Variants in PSMB3 observed in about 807,000 individuals in gnomAD.
PSMB3 encodes proteasome 20S subunit beta 3.
Under a neutral mutation model 23.3 loss-of-function variants are expected in PSMB3, and 5 were observed. The observed-to-expected ratio is 0.21, with a 90% CI of 0.11 to 0.45. The LOEUF (loss-of-function observed/expected upper bound fraction) is 0.45. PSMB3 is among the 20% of genes least tolerant of loss of function. The probability of loss-of-function intolerance (pLI) is 0.99; values close to 1 mark genes in which losing one functional copy is unlikely to be tolerated. For missense variants in PSMB3, 192 were observed against 277.9 expected (o/e 0.69, Z 2.20); for synonymous variants, 85 against 99.8 (o/e 0.85, Z 0.88).
Position 38,764,105 on chromosome 17 carries a change from T to A in PSMB3, c.570-14T>A. The A allele has an allele frequency of 6.2e-7, 1 of 1,614,176 alleles. No homozygotes were observed. Reference sequence around the variant, plus strand: ...TGGGTAGAGATGTTTTCTTGTGATTTTCTCCCTCTGCAGCGAGAAGGACAA... The same window carrying A: ...TGGGTAGAGATGTTTTCTTGTGATTATCTCCCTCTGCAGCGAGAAGGACAA... On this transcript the variant is annotated splice_polypyrimidine_tract_variant and intron_variant, in intron 5 of 5. Transcript: ENST00000619426.
At chr17:38,759,691 C>G (rs1351946298) in intron 3 of PSMB3, among the ~76,000 whole-genome samples, 1 of 152,050 alleles carries the variant, frequency 6.6e-6, no homozygotes. Flanking sequence ...ACTATAGTCA[C>G]CCGCCACCAT....
Position 38,755,950 on chromosome 17 carries a change from A to G in PSMB3, c.256A>G (p.Thr86Ala). 1 of 1,613,956 alleles carries G rather than the reference A, an allele frequency of 6.2e-7. No individual in the cohort carries two copies. Among genetic ancestry groups the G allele is most frequent in the Non-Finnish European group, 8.5e-7 (1 of 1,179,996 alleles). The change falls in exon 3 of 6, where the codon ACC (threonine) becomes GCC (alanine). Residue 86 changes from threonine to alanine, a missense_variant. Thr to Ala is a moderately conservative substitution (Grantham distance 58). Coordinates refer to ENST00000619426, the MANE Select transcript of PSMB3 (RefSeq NM_002795.4). ...GGAAGGTCGGCAGATCAAACCTTATACCCTCATGAGCATGGTGGCCAACCT... is the reference window on the plus strand; with the variant it reads ...GGAAGGTCGGCAGATCAAACCTTATGCCCTCATGAGCATGGTGGCCAACCT... ...LKEGRQIKPY[T>A]LMSMVANLLY...
intron 3 of PSMB3, among the ~76,000 whole-genome samples, chr17:38,757,892 G>GATC (rs770376964): frequency 1.3e-5 from 2 of 151,852 alleles, no homozygotes; most frequent in African/African-American, 2.4e-5. Context: ...ATGACCTCAT[G>GATC]ATCCGCCCAC....
At chr17:38,755,656 AAAAATATAT>A (rs1365123584) in intron 2 of PSMB3, among the ~76,000 whole-genome samples, 16 of 77,192 alleles carry the variant, frequency 2.1e-4, no homozygotes, top group African/African-American at 8.3e-4. Flanking sequence ...TAAAAAAAAA[AAAAATATAT>A]ATATATATAT....
chr17:38,762,821 T>C (rs1036444479), intron 5 of PSMB3, among the ~76,000 whole-genome samples: 3 of 152,160 alleles, frequency 2.0e-5, no homozygotes, highest in East Asian at 1.9e-4. Flanking sequence ...TGCAGATGGA[T>C]TGAAATTCTA....
intron 2 of PSMB3, 56 bp from the exon 3 acceptor site, chr17:38,755,827 T>A (rs1369058473): frequency 6.9e-7 from 1 of 1,442,500 alleles, no homozygotes; most frequent in Non-Finnish European, 9.7e-7. Flanking sequence ...CTCAACAGGG[T>A]AGACACTCAG....
rs1908182308 is a variant in PSMB3 at position 38,755,985 on chromosome 17, G to A, written c.291G>A (p.Glu97=). ...GCATGGTGGCCAACCTCTTGTATGA[G>A]AAACGGTGAGTGCAAGTGTAGCTAG... The part of the protein sequence containing the change: ...LMSMVANLLY[E]KRFGPYYTEP... The change falls in exon 3 of 6, where the codon GAG becomes GAA. Residue 97 remains glutamate, a synonymous_variant. Coordinates refer to ENST00000619426, the MANE Select transcript of PSMB3 (RefSeq NM_002795.4). 6.2e-7 allele frequency: 1 copy of A among 1,610,284 alleles called. No individual in the cohort carries two copies. Among genetic ancestry groups the A allele is most frequent in the Non-Finnish European group, 8.5e-7 (1 of 1,176,472 alleles).
At chr17:38,755,561 C>T (rs62076860) in intron 2 of PSMB3, among the ~76,000 whole-genome samples, 5 of 150,698 alleles carry the variant, frequency 3.3e-5, no homozygotes, top group South Asian at 2.1e-4. Flanking sequence ...AGGAGAATAG[C>T]GTGAACCCGG....
intron 4 of PSMB3, 119 bp downstream of exon 4, chr17:38,760,727 C>T (rs1908399738): frequency 4.2e-6 from 5 of 1,179,624 alleles, no homozygotes; most frequent in African/African-American, 3.1e-5. Flanking sequence ...GAGAAAGCCA[C>T]AGCTGCTGCT....
chr17:38,756,393 CTG>C (rs2143223882), intron 3 of PSMB3, among the ~76,000 whole-genome samples: 1 of 152,258 alleles, frequency 6.6e-6, no homozygotes, highest in African/African-American at 2.4e-5. Context: ...AGGGGCCTAA[CTG>C]TAGAATTTAG....
chr17:38,754,056 C>T (rs1233908682), intron 2 of PSMB3, among the ~76,000 whole-genome samples: 2 of 147,454 alleles, frequency 1.4e-5, no homozygotes, highest in Non-Finnish European at 3.0e-5. Flanking sequence ...GGAGGGAATA[C>T]GTGGTCACAG....
At chr17:38,757,284 CAAGG>C (rs1426312393) in intron 3 of PSMB3, among the ~76,000 whole-genome samples, 1 of 150,296 alleles carries the variant, frequency 6.7e-6, no homozygotes. Context: ...TTTGGGAGGC[CAAGG>C]AAGGTGGATC....
chr17:38,755,642 C>T (rs1238397852), intron 2 of PSMB3, among the ~76,000 whole-genome samples: 2 of 44,816 alleles, frequency 4.5e-5, no homozygotes, highest in South Asian at 1.7e-3. Context: ...AGTGAGACTC[C>T]GTCTAAAAAA....
intron 2 of PSMB3, among the ~76,000 whole-genome samples, chr17:38,754,205 C>G (rs535408809): frequency 6.6e-6 from 1 of 152,240 alleles, no homozygotes; most frequent in East Asian, 1.9e-4. Flanking sequence ...CGCGGTGGCT[C>G]ACACCTGTAA....
chr17:38,754,090 G>T (rs1304217058), intron 2 of PSMB3, among the ~76,000 whole-genome samples: 1 of 52,138 alleles, frequency 1.9e-5, no homozygotes, highest in African/African-American at 5.0e-5. Flanking sequence ...CAGGGTACTG[G>T]TGCCTGAGGA....
chr17:38,757,552 C>T (rs1908255591), intron 3 of PSMB3, among the ~76,000 whole-genome samples: 1 of 151,760 alleles, frequency 6.6e-6, no homozygotes, highest in Admixed American at 6.6e-5. Context: ...CGTGGTGGCT[C>T]ATGCCTGTAA....
chr17:38,755,018 G>C (rs879624370), intron 2 of PSMB3, among the ~76,000 whole-genome samples: 4 of 81,034 alleles, frequency 4.9e-5, no homozygotes, highest in Non-Finnish European at 1.0e-4. Flanking sequence ...TTTTTTTTTT[G>C]TCACCCAGGC....
At chr17:38,762,900 C>T (rs2143255138) in intron 5 of PSMB3, among the ~76,000 whole-genome samples, 1 of 152,304 alleles carries the variant, frequency 6.6e-6, no homozygotes, top group South Asian at 2.1e-4. Flanking sequence ...AATTTCCAAG[C>T]CTCAGCCAAC....
In PSMB3 at chr17:38,755,676, ATATATATGTGTG is replaced by A. The variant is rs1189893372; in HGVS notation, c.189-205_189-194del. Among the ~76,000 whole-genome samples, 18 of 107,776 alleles carry A rather than the reference ATATATATGTGTG, an allele frequency of 1.7e-4. 1 individual carries two copies. The highest frequency in any genetic ancestry group is 5.7e-4 in the African/African-American group (16 of 28,078). 70.7% of individuals were successfully genotyped at this position (107,776 alleles called of 152,430 possible). A position where few individuals can be genotyped will look rare whatever the true frequency, so the allele number is the denominator to read the frequency against. On this transcript the variant is annotated intron_variant, in intron 2 of 5. Transcript: ENST00000619426. ...AAAAAAAAAATATATATATATATAT[ATATATATGTGTG>A]TGTGTGTGTGTGTGTGTGTGTGTGT...
Sources: gnomAD v4.1 joint callset for allele counts (sites outside exome capture counted in the v4.1 genomes callset) on GRCh38, gnomAD v4.1.1 for gene constraint, MANE v1.5 for transcripts, NCBI Gene and HGNC (gene_info 2026-07-23, HGNC 2026-07-21) for gene names.